The following PACRG variants were observed in gnomAD, a reference collection of about 807,000 sequenced individuals.
PACRG encodes the protein parkin coregulated, also known as parkin coregulated gene protein.
PACRG carries 29 observed loss-of-function variants against 29.7 expected under a neutral mutation model. The ratio of observed to expected loss-of-function variants is 0.98; its 90% confidence interval spans 0.73 to 1.33. PACRG has a LOEUF of 1.33. PACRG is among the 40% of genes most tolerant of loss of function. The probability of loss-of-function intolerance (pLI) is 0.00; values close to 1 mark genes in which losing one functional copy is unlikely to be tolerated. For synonymous variants in PACRG, 116 were observed against 118.7 expected, an observed-to-expected ratio of 0.98 and a Z score of 0.15; for missense variants, 279 against 316.2, an observed-to-expected ratio of 0.88 and a Z score of 0.89.
chr6:162,926,633 A>T (rs555087329), intron 2 of PACRG, among the ~76,000 whole-genome samples: 18 of 152,304 alleles, frequency 1.2e-4, no homozygotes, highest in Non-Finnish European at 2.1e-4. Context: ...TCCCTTCCTT[A>T]CACATTATAT....
In PACRG at chr6:163,001,363, A is replaced by G. The variant is rs145247129; in HGVS notation, c.292-60787A>G. ...AATAAACCTGCTCTCTCCACTGTAC[A>G]CACAACTTTCATATTTATGTATCTC... On this transcript the variant is annotated intron_variant, in intron 2 of 4. Transcript: ENST00000366888. Among the ~76,000 whole-genome samples, 16 of 152,306 alleles carry G rather than the reference A, an allele frequency of 1.1e-4. No homozygotes were observed. In the East Asian group the frequency reaches 2.7e-3, roughly 26 times the overall value.
intron 2 of PACRG, among the ~76,000 whole-genome samples, chr6:163,028,664 TG>T (rs1279548048): frequency 6.6e-6 from 1 of 152,208 alleles, no homozygotes; most frequent in Non-Finnish European, 1.5e-5. Context: ...TGATCAAAAA[TG>T]ACATCAATAA....
At chr6:162,945,398 CA>C (rs1226725581) in intron 2 of PACRG, among the ~76,000 whole-genome samples, 1 of 151,602 alleles carries the variant, frequency 6.6e-6, no homozygotes, top group African/African-American at 2.4e-5. Context: ...TAAAAAACAG[CA>C]AAAAATGAAG....
intron 2 of PACRG, among the ~76,000 whole-genome samples, chr6:162,989,881 C>T (rs2128183637): frequency 6.6e-6 from 1 of 152,174 alleles, no homozygotes; most frequent in Non-Finnish European, 1.5e-5. Flanking sequence ...AATGCTATCC[C>T]TCCCCGCTCC....
chr6:162,826,949 A>C (rs1788337204), intron 2 of PACRG, among the ~76,000 whole-genome samples: 1 of 152,290 alleles, frequency 6.6e-6, no homozygotes, highest in South Asian at 2.1e-4. Flanking sequence ...ACATCATTCA[A>C]TACTTTTTAA....
intron 3 of PACRG, among the ~76,000 whole-genome samples, chr6:163,068,887 G>A (rs1023809801): frequency 6.7e-6 from 1 of 148,608 alleles, no homozygotes; most frequent in South Asian, 2.2e-4. Flanking sequence ...TTGGGGTGGG[G>A]GGTATTTAGC....
intron 1 of PACRG, among the ~76,000 whole-genome samples, chr6:162,747,492 A>ATATATATATATATATATATATATT (rs1562557321): frequency 7.7e-6 from 1 of 130,462 alleles, no homozygotes; most frequent in Non-Finnish European, 1.6e-5. Context: ...ATATATATAT[A>ATATATATATATATATATATATATT]TTCCATTAGT....
At chr6:162,899,276 C>T (rs73786126) in intron 2 of PACRG, among the ~76,000 whole-genome samples, 5,582 of 152,222 alleles carry the variant, frequency 0.037, 353 homozygotes, top group African/African-American at 0.13. Flanking sequence ...AGATGCAGTA[C>T]ACTCTCACCA....
chr6:163,242,073 ATT>A (rs1458141883), intron 4 of PACRG, among the ~76,000 whole-genome samples: 1 of 151,828 alleles, frequency 6.6e-6, no homozygotes, highest in South Asian at 2.1e-4. Flanking sequence ...AGAAAAAAAG[ATT>A]TTTTTAAACT....
Position 163,243,704 on chromosome 6 carries a change from A to G in PACRG, c.614-71123A>G, listed in dbSNP as rs555762672. Among the ~76,000 whole-genome samples, 36 of 152,324 alleles carry G rather than the reference A, an allele frequency of 2.4e-4. 1 individual carries two copies. The East Asian group carries it at 6.2e-3, about 26-fold the overall frequency. On this transcript the variant is annotated intron_variant, in intron 4 of 4. Coordinates refer to ENST00000366888, the MANE Select transcript of PACRG (RefSeq NM_001080379.2). ...CCGCTGAAAAACTGAAGATGCTTAGAGTCTAAAAAACTTGAGTGAAACCCT... is the reference window on the plus strand; with the variant it reads ...CCGCTGAAAAACTGAAGATGCTTAGGGTCTAAAAAACTTGAGTGAAACCCT...
intron 2 of PACRG, among the ~76,000 whole-genome samples, chr6:162,870,220 G>A (rs1792683838): frequency 6.6e-6 from 1 of 152,162 alleles, no homozygotes; most frequent in Admixed American, 6.5e-5. Context: ...TGCATACAAA[G>A]CAACTAGCAC....
intron 2 of PACRG, among the ~76,000 whole-genome samples, chr6:162,956,576 C>G (rs1213760936): frequency 6.6e-6 from 1 of 152,174 alleles, no homozygotes; most frequent in Admixed American, 6.5e-5. Context: ...GGGCCGTGCT[C>G]CCTCTGAACT....
intron 2 of PACRG, among the ~76,000 whole-genome samples, chr6:162,835,370 G>A (rs1229805256): frequency 1.3e-5 from 2 of 151,954 alleles, no homozygotes; most frequent in Non-Finnish European, 2.9e-5. Context: ...ATATGATCTG[G>A]TCCTTCTCCC....
intron 2 of PACRG, among the ~76,000 whole-genome samples, chr6:163,018,183 C>T (rs1323436497): frequency 6.6e-6 from 1 of 152,118 alleles, no homozygotes; most frequent in Non-Finnish European, 1.5e-5. Flanking sequence ...AGGCATAATG[C>T]GATCAGCAAA....
intron 2 of PACRG, among the ~76,000 whole-genome samples, chr6:162,893,161 A>G (rs146966950): frequency 1.5e-4 from 23 of 152,266 alleles, no homozygotes; most frequent in African/African-American, 5.3e-4. Flanking sequence ...TGTGAAGGAA[A>G]ATAACTTGGT....
At chr6:162,983,216 T>A (rs1293980338) in intron 2 of PACRG, among the ~76,000 whole-genome samples, 1 of 152,070 alleles carries the variant, frequency 6.6e-6, no homozygotes, top group Non-Finnish European at 1.5e-5. Flanking sequence ...TAGGTGAGTC[T>A]CTTGAAGACA....
In PACRG at chr6:163,021,652, G is replaced by C. The variant is rs573884087; in HGVS notation, c.292-40498G>C. ...TCTGATGAACTCTAAGCTCCTGACA[G>C]CCTCCCTCCTGACCTGGCTCCTTCC... On this transcript the variant is annotated intron_variant, in intron 2 of 4. Transcript: ENST00000366888. Among the ~76,000 whole-genome samples, 5 of 152,164 alleles carry C rather than the reference G, an allele frequency of 3.3e-5. No individual in the cohort carries two copies. In the South Asian group the frequency reaches 1.0e-3, roughly 32 times the overall value.
chr6:163,239,662 C>A (rs1782384813), intron 4 of PACRG, among the ~76,000 whole-genome samples: 1 of 143,454 alleles, frequency 7.0e-6, no homozygotes, highest in African/African-American at 2.5e-5. Context: ...CCTACACACA[C>A]CCACACCCCC....
rs117366405 is a variant in PACRG, at chr6:162,775,194, G to A, written c.157-38953G>A. Among the ~76,000 whole-genome samples, 163 of 152,250 alleles carry A rather than the reference G, an allele frequency of 1.1e-3. 8 individuals carry two copies. In the East Asian group the frequency reaches 0.025, roughly 24 times the overall value. On this transcript the variant is annotated intron_variant, in intron 1 of 4. Coordinates refer to ENST00000366888, the MANE Select transcript of PACRG (RefSeq NM_001080379.2). ...AACATATGAACCAGAAAGTGGACCCGCAGCAGACACCAAGTCTGCTGGTGC... is the reference window on the plus strand; with the variant it reads ...AACATATGAACCAGAAAGTGGACCCACAGCAGACACCAAGTCTGCTGGTGC...
Sources: gnomAD v4.1 joint callset for allele counts (sites outside exome capture counted in the v4.1 genomes callset) on GRCh38, gnomAD v4.1.1 for gene constraint, MANE v1.5 for transcripts, NCBI Gene and HGNC (gene_info 2026-07-23, HGNC 2026-07-21) for gene names.